KANTR: variants seen among roughly 807,000 people sequenced by gnomAD.
The protein encoded by KANTR is KANTR integral membrane protein, also known as KDM5C adjacent transcript.
intron 2 of KANTR, among the ~76,000 whole-genome samples, chrX:53,112,373 A>G (rs187446621): frequency 4.5e-5 from 5 of 112,022 alleles, no homozygotes; most frequent in Non-Finnish European, 5.6e-5. Flanking sequence ...CCACTCGTTA[A>G]CTGATGGGCA....
intron 2 of KANTR, among the ~76,000 whole-genome samples, chrX:53,113,812 C>G (rs1199514924): frequency 9.1e-6 from 1 of 109,546 alleles, no homozygotes; most frequent in Non-Finnish European, 1.9e-5. Flanking sequence ...AACTCCTGAC[C>G]TCAAGTGATC....
At chrX:53,119,692 T>C (rs1335329377) in intron 2 of KANTR, among the ~76,000 whole-genome samples, 1 of 111,909 alleles carries the variant, frequency 8.9e-6, no homozygotes, top group Non-Finnish European at 1.9e-5. Context: ...AGAAGTATCA[T>C]GTATTTTTAG....
chrX:53,128,028 A>T (rs1385755077), downstream of KANTR, among the ~76,000 whole-genome samples: 1 of 111,490 alleles, frequency 9.0e-6, no homozygotes, highest in Non-Finnish European at 1.9e-5. Flanking sequence ...AAGTGAGAAC[A>T]GGCTGTGTGG....
chrX:53,102,581 T>G (rs936083269), intron 2 of KANTR, among the ~76,000 whole-genome samples: 18 of 112,300 alleles, frequency 1.6e-4, no homozygotes, highest in African/African-American at 5.8e-4. Flanking sequence ...GATACCAGTT[T>G]TGTTGACTTT....
At chrX:53,097,193 G>T (rs1556810997) in intron 1 of KANTR, among the ~76,000 whole-genome samples, 1 of 110,720 alleles carries the variant, frequency 9.0e-6, no homozygotes, top group Non-Finnish European at 1.9e-5. Flanking sequence ...TTAAGTAGCA[G>T]CCTGGCTTTC....
chrX:53,119,197 G>A (rs1933180413), intron 2 of KANTR, among the ~76,000 whole-genome samples: 1 of 108,721 alleles, frequency 9.2e-6, no homozygotes. Context: ...ACAGGCGTGT[G>A]CCATGCCTGT....
At chrX:53,141,109 C>A (rs908952361) in intron 2 of KANTR, among the ~76,000 whole-genome samples, 1 of 112,793 alleles carries the variant, frequency 8.9e-6, no homozygotes, top group Non-Finnish European at 1.9e-5. Context: ...TGCAGTGAGC[C>A]GAGATCGTGC....
intron 2 of KANTR, among the ~76,000 whole-genome samples, chrX:53,122,690 A>G: frequency 8.9e-6 from 1 of 112,011 alleles, no homozygotes; most frequent in East Asian, 2.8e-4. Flanking sequence ...TCTGTTTCTT[A>G]TGATAATTAT....
At chrX:53,101,008 C>T (rs1932888497) in intron 2 of KANTR, among the ~76,000 whole-genome samples, 1 of 111,774 alleles carries the variant, frequency 8.9e-6, no homozygotes, top group Non-Finnish European at 1.9e-5. Context: ...TCTCAGCCTT[C>T]ATAGAATTGA....
chrX:53,100,251 C>T (rs782329768), intron 2 of KANTR, among the ~76,000 whole-genome samples: 11 of 110,599 alleles, frequency 9.9e-5, no homozygotes, highest in Admixed American at 1.9e-4. Context: ...GAGGCTGAGG[C>T]GGACGGATCA....
In KANTR at chrX:53,115,097, C is replaced by T. The variant is rs189160464; in HGVS notation, c.-804-8372C>T. ...CCACAGAGATCAGCCCACCACTGGG[C>T]AGGCCTAGAGTCTGTGTCTGTGTGT... On this transcript the variant is annotated intron_variant, in intron 2 of 2. Transcript: ENST00000604062. 3.8e-3 allele frequency among the ~76,000 whole-genome samples: 426 copies of T among 112,393 alleles called. 2 individuals are homozygous for T. The highest frequency in any genetic ancestry group is 0.013 in the African/African-American group (406 of 31,001).
At chrX:53,135,453 C>T (rs1002754652) in intron 2 of KANTR, among the ~76,000 whole-genome samples, 1 of 111,916 alleles carries the variant, frequency 8.9e-6, no homozygotes, top group Non-Finnish European at 1.9e-5. Flanking sequence ...ACTGAGGTCA[C>T]GAATTCTGCC....
exon 3 of KANTR, chrX:53,126,944 C>T (rs1193973432): frequency 9.0e-6 from 1 of 111,542 alleles, no homozygotes; most frequent in Admixed American, 9.5e-5. Flanking sequence ...AAAGTCCCTA[C>T]ATAATCTGGT....
intron 2 of KANTR, among the ~76,000 whole-genome samples, chrX:53,122,475 A>G (rs1481971497): frequency 9.0e-6 from 1 of 111,609 alleles, no homozygotes; most frequent in Non-Finnish European, 1.9e-5. Flanking sequence ...GACATCTAGT[A>G]CAATGATGAC....
chrX:53,130,167 C>G (rs183478900), downstream of KANTR, among the ~76,000 whole-genome samples: 1 of 112,087 alleles, frequency 8.9e-6, no homozygotes, highest in East Asian at 2.8e-4. Flanking sequence ...GCGCCTGACC[C>G]TACATAATTT....
At chrX:53,122,963 T>C (rs1602123122) in intron 2 of KANTR, among the ~76,000 whole-genome samples, 1 of 112,207 alleles carries the variant, frequency 8.9e-6, no homozygotes, top group South Asian at 3.7e-4. Flanking sequence ...TCTTTTATAA[T>C]ATTCTGGAAG....
intron 2 of KANTR, among the ~76,000 whole-genome samples, chrX:53,105,654 T>C (rs112329678): frequency 0.046 from 2,364 of 51,821 alleles, 91 homozygotes; most frequent in African/African-American, 0.11. Flanking sequence ...CACACCTGGT[T>C]AATTTTTTTT....
chrX:53,100,810 A>C (rs1443916679), intron 2 of KANTR, among the ~76,000 whole-genome samples: 4 of 112,737 alleles, frequency 3.5e-5, no homozygotes, highest in Non-Finnish European at 7.5e-5. Context: ...AAAAACAAAA[A>C]GAAAAAGAAA....
downstream of KANTR, among the ~76,000 whole-genome samples, chrX:53,147,073 A>C (rs1421868635): frequency 1.8e-5 from 2 of 111,880 alleles, no homozygotes; most frequent in Non-Finnish European, 3.8e-5. Flanking sequence ...CGAGCAAAAT[A>C]ACCAGCTAAC....
Sources: gnomAD v4.1 joint callset for allele counts (sites outside exome capture counted in the v4.1 genomes callset) on GRCh38, gnomAD v4.1.1 for gene constraint, MANE v1.5 for transcripts, NCBI Gene and HGNC (gene_info 2026-07-23, HGNC 2026-07-21) for gene names.